Variants in MED14 observed in about 807,000 individuals in gnomAD.
MED14 encodes mediator of RNA polymerase II transcription subunit 14.
MED14 carries 8 observed loss-of-function variants against 109.0 expected under a neutral mutation model. That is an observed-to-expected ratio of 0.07 (90% CI 0.04 to 0.13). The LOEUF is 0.13. MED14 is among the 10% of genes least tolerant of loss of function. MED14 has a pLI of 1.00. For synonymous variants in MED14, 399 were observed against 408.7 expected (o/e 0.98, Z 0.29); for missense variants, 711 against 1,142.4 (o/e 0.62, Z 5.44).
At chrX:40,732,305 A>G (rs751864016) in intron 1 of MED14, among the ~76,000 whole-genome samples, 2 of 112,363 alleles carry the variant, frequency 1.8e-5, no homozygotes, top group African/African-American at 3.2e-5. Flanking sequence ...GATCACCTGA[A>G]GTTGGGAGTT....
rs763709935 is a variant in MED14 at position 40,721,914 on chromosome X, C to T, written c.348+4832G>A. On this transcript the variant is annotated intron_variant, in intron 3 of 30. Coordinates refer to ENST00000324817, the MANE Select transcript of MED14 (RefSeq NM_004229.4). ...TTATCCAAGACCATCAAGGCAGTACCTCTATGAGTCGGCAAAAACCACAGC... is the reference window on the plus strand; with the variant it reads ...TTATCCAAGACCATCAAGGCAGTACTTCTATGAGTCGGCAAAAACCACAGC... Among the ~76,000 whole-genome samples, 35 of 112,358 alleles carry T rather than the reference C, an allele frequency of 3.1e-4. No homozygotes were observed. In the South Asian group the frequency reaches 0.013, roughly 41 times the overall value.
chrX:40,681,871 C>A lies in MED14; in HGVS notation c.2438G>T (p.Gly813Val). The A allele has an allele frequency of 8.8e-7, 1 of 1,134,940 alleles. No homozygotes were observed. Among genetic ancestry groups the A allele is most frequent in the Non-Finnish European group, 1.2e-6 (1 of 846,504 alleles). 93.5% of individuals were successfully genotyped at this position (1,134,940 alleles called of 1,213,427 possible). A position where few individuals can be genotyped will look rare whatever the true frequency, so the allele number is the denominator to read the frequency against. The change falls in exon 19 of 31, where the codon GGA becomes GTA. Residue 813 changes from glycine (G) to valine (V), a missense_variant. Gly to Val is a moderately radical substitution (Grantham distance 109). Around this residue, in one of 8 missense-constraint regions of MED14, gnomAD observed 388 missense variants for 517.3 expected, o/e 0.75. Transcript: ENST00000324817. Reference sequence around the variant, plus strand: ...ACTTACTGAGCTTCCCTTGGTGGTTCCATAACACAAGATAAGTTTTCGGTA... The same window carrying A: ...ACTTACTGAGCTTCCCTTGGTGGTTACATAACACAAGATAAGTTTTCGGTA... Reference protein sequence around the residue: ...YNYRKLILCYGTTKGSSISIQ... With the variant: ...YNYRKLILCYVTTKGSSISIQ...
intron 19 of MED14, among the ~76,000 whole-genome samples, chrX:40,681,138 G>A (rs954018684): frequency 1.7e-4 from 19 of 112,110 alleles, no homozygotes; most frequent in Non-Finnish European, 2.8e-4. Context: ...AAAACAGAAA[G>A]GCGCTAAAAC....
At position 40,721,106 on chromosome X, in the gene MED14, A is replaced by G. The variant is rs371478088; in HGVS notation, c.348+5640T>C. Among the ~76,000 whole-genome samples, 172 of 111,485 alleles carry G rather than the reference A, an allele frequency of 1.5e-3. 1 individual carries two copies. The highest frequency in any genetic ancestry group is 5.3e-3 in the African/African-American group (164 of 30,698). On this transcript the variant is annotated intron_variant, in intron 3 of 30. Transcript: ENST00000324817. ...GGTGAAAGACTCCTTCTGTTAGAGA[A>G]AAGCAGGGGGAAAAGTAAAGGGGAC...
intron 5 of MED14, 44 bp from the exon 6 acceptor site, chrX:40,713,086 G>A: frequency 1.8e-6 from 2 of 1,096,415 alleles, no homozygotes; most frequent in Non-Finnish European, 2.4e-6. Flanking sequence ...TACTTTGCTA[G>A]AAAATGAGAA....
chrX:40,697,277 AC>A lies in MED14; in HGVS notation c.1491-95del, dbSNP rs771964639. ...CAAATGATTAAAGACCATTAAAAAA[AC>A]AATTAATTGAAATTTAACTGAACTA... On this transcript the variant is annotated intron_variant, in intron 12 of 30. Coordinates refer to ENST00000324817, the MANE Select transcript of MED14 (RefSeq NM_004229.4). The A allele has an allele frequency of 1.4e-4, 72 of 516,973 alleles. No individual in the cohort carries two copies. In the African/African-American group the frequency reaches 1.5e-3, roughly 11 times the overall value. 42.6% of individuals were successfully genotyped at this position (516,973 alleles called of 1,213,427 possible).
rs1394939049 is a variant in MED14 at position 40,658,321 on chromosome X, A to C, written c.3972+906T>G. Among the ~76,000 whole-genome samples, 7 of 110,346 alleles carry C rather than the reference A, an allele frequency of 6.3e-5. No homozygotes were observed. The Admixed American group carries it at 6.8e-4, about 11-fold the overall frequency. Reference sequence around the variant, plus strand: ...TGCCCAGGCTGGTCTCGAGCTCCTGAGCTCAGGCAATCTGCCTGCCTCAGC... The same window carrying C: ...TGCCCAGGCTGGTCTCGAGCTCCTGCGCTCAGGCAATCTGCCTGCCTCAGC... On this transcript the variant is annotated intron_variant, in intron 28 of 30. Coordinates refer to ENST00000324817, the MANE Select transcript of MED14 (RefSeq NM_004229.4).
At chrX:40,703,236 C>T (rs1174833980) in intron 11 of MED14, among the ~76,000 whole-genome samples, 1 of 112,234 alleles carries the variant, frequency 8.9e-6, no homozygotes, top group Admixed American at 9.4e-5. Context: ...GTGCGTTATA[C>T]TGGGAAGTTT....
Position 40,650,584 on chromosome X carries a change from C to T in MED14, c.*1222G>A. The T allele has an allele frequency of 4.0e-6, 3 of 753,653 alleles. No individual in the cohort carries two copies. Among genetic ancestry groups the T allele is most frequent in the Non-Finnish European group, 4.7e-6 (3 of 639,196 alleles). 62.1% of individuals were successfully genotyped at this position (753,653 alleles called of 1,213,427 possible). On this transcript the variant is annotated 3_prime_UTR_variant, in exon 31 of 31. Coordinates refer to ENST00000324817, the MANE Select transcript of MED14 (RefSeq NM_004229.4). Reference sequence around the variant, plus strand: ...ATGTTCTTTGAAGCTTAAAAAAGTCCCTGACTGACTAGGAAAGACAGCACA... The same window carrying T: ...ATGTTCTTTGAAGCTTAAAAAAGTCTCTGACTGACTAGGAAAGACAGCACA...
intron 1 of MED14, among the ~76,000 whole-genome samples, chrX:40,730,072 C>G (rs1932025282): frequency 9.0e-6 from 1 of 111,705 alleles, no homozygotes; most frequent in African/African-American, 3.3e-5. Flanking sequence ...ATTCAATGGC[C>G]TAAACAACTC....
chrX:40,666,652 A>G, intron 24 of MED14, 68 bp downstream of exon 24: 1 of 1,114,223 alleles, frequency 9.0e-7, no homozygotes, highest in Non-Finnish European at 1.2e-6. Context: ...CAATGAAAAA[A>G]TTTACTCAAC....
chrX:40,687,754 G>C (rs1379090053), intron 16 of MED14, among the ~76,000 whole-genome samples: 1 of 111,332 alleles, frequency 9.0e-6, no homozygotes, highest in Non-Finnish European at 1.9e-5. Context: ...AGTATAACTG[G>C]TACTTCCTCA....
chrX:40,678,774 C>A (rs1930005889), intron 21 of MED14, among the ~76,000 whole-genome samples: 1 of 108,489 alleles, frequency 9.2e-6, no homozygotes, highest in East Asian at 2.9e-4. Context: ...CCACTGCACT[C>A]CAGCCAGGAG....
chrX:40,724,882 C>G (rs1229731516), intron 3 of MED14, among the ~76,000 whole-genome samples: 3 of 110,568 alleles, frequency 2.7e-5, no homozygotes, highest in Non-Finnish European at 5.7e-5. Flanking sequence ...AGCTGGTTTT[C>G]TGAAAAAATG....
chrX:40,695,276 T>C (rs919070427), intron 13 of MED14, among the ~76,000 whole-genome samples: 2 of 112,236 alleles, frequency 1.8e-5, no homozygotes, highest in Non-Finnish European at 3.8e-5. Flanking sequence ...AAAAAGTCTG[T>C]ATTTTTACTT....
Position 40,700,127 on chromosome X carries a change from C to A in MED14, c.1490+1038G>T, listed in dbSNP as rs184740760. ...TGACGCCACTGCACTCCAGCCCGGGCAAGAGAGTGAGACTCTGTCTCAATA... is the reference window on the plus strand; with the variant it reads ...TGACGCCACTGCACTCCAGCCCGGGAAAGAGAGTGAGACTCTGTCTCAATA... On this transcript the variant is annotated intron_variant, in intron 12 of 30. Coordinates refer to ENST00000324817, the MANE Select transcript of MED14 (RefSeq NM_004229.4). 4.6e-5 allele frequency among the ~76,000 whole-genome samples: 5 copies of A among 109,666 alleles called. No homozygotes were observed. In the East Asian group the frequency reaches 1.1e-3, roughly 25 times the overall value.
intron 3 of MED14, chrX:40,715,011 G>T: frequency 1.0e-5 from 2 of 195,394 alleles, no homozygotes; most frequent in South Asian, 1.3e-4. Flanking sequence ...GAATAAAATG[G>T]TTTTTTCCTC....
At chrX:40,711,107 A>T in intron 8 of MED14, 62 bp downstream of exon 8, 1 of 1,120,305 alleles carries the variant, frequency 8.9e-7, no homozygotes, top group Non-Finnish European at 1.2e-6. Context: ...ATGAGAGAAA[A>T]AGAGAAATAA....
chrX:40,666,035 CA>C (rs1176909779), intron 24 of MED14, among the ~76,000 whole-genome samples: 3 of 112,052 alleles, frequency 2.7e-5, no homozygotes, highest in Non-Finnish European at 5.6e-5. Context: ...AGATGCTACA[CA>C]GCTTAAAAAC....
Sources: allele counts gnomAD v4.1 joint callset (sites outside exome capture counted in the v4.1 genomes callset), GRCh38; gene constraint gnomAD v4.1.1; regional missense constraint gnomAD v4.1.1; transcripts MANE v1.5; gene names NCBI Gene and HGNC (gene_info 2026-07-23, HGNC 2026-07-21).